The following HINFP variants were observed in gnomAD, a reference collection of about 807,000 sequenced individuals.
HINFP encodes MBD2 (methyl-CpG-binding protein)-interacting zinc finger protein.
HINFP carries 20 observed loss-of-function variants against 50.1 expected under a neutral mutation model. That is an observed-to-expected ratio of 0.40 (90% CI 0.28 to 0.58). HINFP has a LOEUF of 0.58. Among genes scored for constraint, HINFP ranks in the 20% least tolerant of loss-of-function variants. The pLI, the probability that HINFP is intolerant of heterozygous loss-of-function variation, is 0.45. For synonymous variants in HINFP, 247 were observed against 243.7 expected (o/e 1.01, Z -0.13); for missense variants, 505 against 664.1 (o/e 0.76, Z 2.63).
chr11:119,126,731 G>A, intron 1 of HINFP: 5 of 524,432 alleles, frequency 9.5e-6, no homozygotes, highest in Non-Finnish European at 1.3e-5. Flanking sequence ...AATAGTGTTA[G>A]TTTTTGTTTT....
At chr11:119,128,686 C>T (rs1375101687) in intron 2 of HINFP, among the ~76,000 whole-genome samples, 2 of 151,678 alleles carry the variant, frequency 1.3e-5, no homozygotes, top group East Asian at 1.9e-4. Context: ...GAGATAGGCA[C>T]TATTATTATT....
intron 1 of HINFP, 96 bp from the exon 2 acceptor site, chr11:119,126,839 C>A: frequency 9.6e-7 from 1 of 1,037,822 alleles, no homozygotes; most frequent in Non-Finnish European, 1.4e-6. Flanking sequence ...TGGAACAACA[C>A]GTGCTGATTC....
intron 1 of HINFP, among the ~76,000 whole-genome samples, chr11:119,123,528 A>G (rs532520241): frequency 4.7e-4 from 70 of 148,704 alleles, no homozygotes; most frequent in African/African-American, 1.7e-3. Flanking sequence ...AAAGCAGTCA[A>G]TATTCAATAT....
rs567530907 is a variant in HINFP at position 119,128,391 on chromosome 11, T to G, written c.181+1266T>G. 5.2e-4 allele frequency among the ~76,000 whole-genome samples: 79 copies of G among 151,926 alleles called. No individual in the cohort carries two copies. The South Asian group carries it at 0.016, about 31-fold the overall frequency. ...TGCAATCTCGGCTCACTGCAACCTC[T>G]GCCTCCTCGGTTCAAGCGATTCTTC... On this transcript the variant is annotated intron_variant, in intron 2 of 9. Transcript: ENST00000350777.
intron 5 of HINFP, 154 bp from the exon 6 acceptor site, chr11:119,132,342 A>G: frequency 4.3e-6 from 3 of 694,806 alleles, no homozygotes; most frequent in Admixed American, 2.7e-5. Context: ...TCTAAGTCCC[A>G]TGCTCTTTCC....
chr11:119,133,523 G>A, intron 9 of HINFP: 1 of 337,252 alleles, frequency 3.0e-6, no homozygotes. Context: ...AGGTTGTAGT[G>A]AGCTGAGATC....
At chr11:119,133,927 T>C (rs1222451565) in intron 9 of HINFP, 157 bp from the exon 10 acceptor site, 3 of 921,334 alleles carry the variant, frequency 3.3e-6, no homozygotes, top group South Asian at 1.7e-5. Flanking sequence ...CCTTTTCTTC[T>C]ACATATTCCA....
At position 119,134,905 on chromosome 11, in the gene HINFP, A is replaced by T. The variant is rs1947990303; in HGVS notation, c.*407A>T. ...AGGGTCCTTTCTTTGTCACCAGCCA[A>T]GGCATTGATAACCAAGTAGCCATTT... On this transcript the variant is annotated 3_prime_UTR_variant, in exon 10 of 10. Coordinates refer to ENST00000350777, the MANE Select transcript of HINFP (RefSeq NM_198971.3). The surrounding 1 kb of genome is among the most constrained non-coding windows in gnomAD (Gnocchi z 4.3). 1 of 163,442 alleles carries T rather than the reference A, an allele frequency of 6.1e-6. No homozygotes were observed. Among genetic ancestry groups the T allele is most frequent in the African/African-American group, 2.4e-5 (1 of 41,810 alleles). 10.1% of individuals were successfully genotyped at this position (163,442 alleles called of 1,614,324 possible). A position where few individuals can be genotyped will look rare whatever the true frequency, so the allele number is the denominator to read the frequency against.
chr11:119,128,115 G>T (rs1947522355), intron 2 of HINFP, among the ~76,000 whole-genome samples: 1 of 152,110 alleles, frequency 6.6e-6, no homozygotes, highest in African/African-American at 2.4e-5. Flanking sequence ...GCCTCCCAAA[G>T]TGCTGGGATT....
Position 119,130,881 on chromosome 11 carries a change from TC to T in HINFP, c.340del (p.Leu114TrpfsTer86). On this transcript the variant is annotated frameshift_variant, in exon 3 of 10. Coordinates refer to ENST00000350777, the MANE Select transcript of HINFP (RefSeq NM_198971.3). LOFTEE classifies it high-confidence loss of function. ...AGCCAGGCTGACCTTGGCCCCTGCA[TC>T]CTGGACTTCCAGAGCCGGAACGTCA... ...LQSQADLGPC[I>X]LDFQSRNVIP... 1 of 1,614,194 alleles carries T rather than the reference TC, an allele frequency of 6.2e-7. No homozygotes were observed. Among genetic ancestry groups the T allele is most frequent in the Non-Finnish European group, 8.5e-7 (1 of 1,180,028 alleles).
At chr11:119,132,053 T>C in intron 5 of HINFP, 71 bp downstream of exon 5, 1 of 1,565,826 alleles carries the variant, frequency 6.4e-7, no homozygotes. Context: ...ATGTTTCTAG[T>C]GGGGGTGGCC....
chr11:119,130,930 C>G lies in HINFP; in HGVS notation c.387C>G (p.Phe129Leu). ...RNVIPDIPDHFLCLWEHCENS... is the reference protein window; with the variant it reads ...RNVIPDIPDHLLCLWEHCENS... ...TCATCCCTGATATCCCTGACCACTT[C>G]CTGTGTCTGTGGGAGCACTGTGAGG... Residue 129 changes from phenylalanine to leucine, a missense_variant, in exon 3 of 10, where the codon TTC becomes TTG. By Grantham distance (22) the Phe-to-Leu change is conservative. Coordinates refer to ENST00000350777, the MANE Select transcript of HINFP (RefSeq NM_198971.3). 1 of 1,614,224 alleles carries G rather than the reference C, an allele frequency of 6.2e-7. No individual in the cohort carries two copies. Among genetic ancestry groups the G allele is most frequent in the Non-Finnish European group, 8.5e-7 (1 of 1,180,028 alleles).
At position 119,134,633 on chromosome 11, in the gene HINFP, C is replaced by G. The variant is rs1026718384; in HGVS notation, c.*135C>G. On this transcript the variant is annotated 3_prime_UTR_variant, in exon 10 of 10. Transcript: ENST00000350777. This position sits in a 1 kb window ranked among gnomAD's most constrained non-coding sequence, Gnocchi z 4.3. ...CGAGAGCAGTGTGGTCCACTCTGGC[C>G]TGGGTTTGCATCATTCTGCAGACTC... is the stretch of plus-strand genomic sequence containing the variant. 1.5e-6 allele frequency: 1 copy of G among 662,232 alleles called. No homozygotes were observed. The highest frequency in any genetic ancestry group is 2.5e-6 in the Non-Finnish European group (1 of 398,944). 41.0% of individuals were successfully genotyped at this position (662,232 alleles called of 1,614,324 possible).
intron 1 of HINFP, chr11:119,126,540 C>A (rs1253246548): frequency 6.2e-6 from 1 of 160,560 alleles, no homozygotes; most frequent in African/African-American, 2.4e-5. Context: ...AAAGGTCATA[C>A]AGCTAGTAGA....
Position 119,130,836 on chromosome 11 carries a change from G to C in HINFP, c.293G>C (p.Trp98Ser). The C allele has an allele frequency of 6.2e-7, 1 of 1,614,202 alleles. No homozygotes were observed. The highest frequency in any genetic ancestry group is 1.1e-5 in the South Asian group (1 of 91,082). ...FHCYHTKLKQWGLQALQSQAD... is the reference protein window; with the variant it reads ...FHCYHTKLKQSGLQALQSQAD... ...TGCTACCACACCAAGCTGAAACAGT[G>C]GGGGCTGCAGGCCTTGCAAAGCCAG... is the stretch of plus-strand genomic sequence containing the variant. Residue 98 changes from tryptophan to serine, a missense_variant, in exon 3 of 10, where the codon TGG becomes TCG. Coordinates refer to ENST00000350777, the MANE Select transcript of HINFP (RefSeq NM_198971.3).
At chr11:119,123,969 G>A (rs1947243875) in intron 1 of HINFP, 1 of 152,088 alleles carries the variant, frequency 6.6e-6, no homozygotes, top group Non-Finnish European at 1.5e-5. Flanking sequence ...ACAGGCATAA[G>A]CCACTGCGCC....
Position 119,127,209 on chromosome 11 carries a change from C to G in HINFP, c.181+84C>G. 2.6e-6 allele frequency: 3 copies of G among 1,145,004 alleles called. No homozygotes were observed. The South Asian group carries it at 5.4e-5, about 20-fold the overall frequency. The allele number at this position is 1,145,004 out of a possible 1,614,324, so 70.9% of individuals were successfully genotyped here. A position where few individuals can be genotyped will look rare whatever the true frequency, so the allele number is the denominator to read the frequency against. On this transcript the variant is annotated intron_variant, in intron 2 of 9. Transcript: ENST00000350777. ...TCTTTTCCTTAGAGGGAGAAGGCGG[C>G]CTAAGAGAATGGTGGTTTATTTTCC...
At chr11:119,127,567 A>C (rs1269960020) in intron 2 of HINFP, 1 of 150,522 alleles carries the variant, frequency 6.6e-6, no homozygotes, top group Non-Finnish European at 1.5e-5. Flanking sequence ...TTTTAGAGAC[A>C]GGGCTTCATC....
In HINFP at chr11:119,134,103, G is replaced by A. The variant is rs1259428691; in HGVS notation, c.1159G>A (p.Gly387Ser). The change falls in exon 10 of 10, where the codon GGC becomes AGC. Residue 387 changes from glycine (G) to serine (S), a missense_variant. By Grantham distance (56) the Gly-to-Ser change is moderately conservative. Transcript: ENST00000350777. The surrounding 1 kb of genome is among the most constrained non-coding windows in gnomAD (Gnocchi z 4.3). The part of the protein sequence containing the change: ...PRFRYKEHED[G>S]YMRLQLVRYE... ...CACCAGGTACAAGGAACATGAAGAT[G>A]GCTATATGCGGCTGCAGCTGGTTCG... is the stretch of plus-strand genomic sequence containing the variant. 6.2e-6 allele frequency: 10 copies of A among 1,614,146 alleles called. No individual in the cohort carries two copies. Among genetic ancestry groups the A allele is most frequent in the Non-Finnish European group, 7.6e-6 (9 of 1,180,036 alleles).
Sources: allele counts gnomAD v4.1 joint callset (sites outside exome capture counted in the v4.1 genomes callset), GRCh38; gene constraint gnomAD v4.1.1; non-coding constraint Gnocchi (gnomAD v3.1); transcripts MANE v1.5; gene names NCBI Gene and HGNC (gene_info 2026-07-23, HGNC 2026-07-21).